NTRK2: variants seen among roughly 807,000 people sequenced by gnomAD.
The protein encoded by NTRK2 is BDNF/NT-3 growth factors receptor.
Under a neutral mutation model 94.5 loss-of-function variants are expected in NTRK2, and 13 were observed. That is an observed-to-expected ratio of 0.14 (90% CI 0.09 to 0.22). The LOEUF (loss-of-function observed/expected upper bound fraction) is 0.22. NTRK2 is among the 10% of genes least tolerant of loss of function. The pLI is 1.00. For synonymous variants in NTRK2, 372 were observed against 407.4 expected, an observed-to-expected ratio of 0.91 and a Z score of 1.05; for missense variants, 639 against 1,071.2, an observed-to-expected ratio of 0.60 and a Z score of 5.63.
At chr9:84,940,013 T>A (rs546506828) in intron 15 of NTRK2, among the ~76,000 whole-genome samples, 1 of 152,266 alleles carries the variant, frequency 6.6e-6, no homozygotes, top group South Asian at 2.1e-4. Context: ...ATCCAAGGGA[T>A]GACTCCTATT....
At chr9:84,768,529 G>A (rs2066239989) in intron 12 of NTRK2, among the ~76,000 whole-genome samples, 1 of 152,092 alleles carries the variant, frequency 6.6e-6, no homozygotes, top group Non-Finnish European at 1.5e-5. Flanking sequence ...AGGTACTGTA[G>A]TTACTTATTA....
intron 14 of NTRK2, chr9:84,876,760 A>G (rs200549980): frequency 7.4e-5 from 79 of 1,061,302 alleles, no homozygotes; most frequent in Admixed American, 1.1e-4. Flanking sequence ...TACAGAAACA[A>G]TTATCAATAC....
At chr9:84,740,966 C>T (rs551738159) in intron 9 of NTRK2, among the ~76,000 whole-genome samples, 97 of 152,308 alleles carry the variant, frequency 6.4e-4, no homozygotes, top group African/African-American at 2.2e-3. Flanking sequence ...TACTGTTTCA[C>T]ATGGCAAGTG....
intron 12 of NTRK2, among the ~76,000 whole-genome samples, chr9:84,832,664 C>T (rs2073627949): frequency 6.6e-6 from 1 of 152,174 alleles, no homozygotes; most frequent in African/African-American, 2.4e-5. Flanking sequence ...AATCTTTAAC[C>T]TAGATAGAAA....
intron 17 of NTRK2, among the ~76,000 whole-genome samples, chr9:84,987,160 T>A (rs1453138542): frequency 1.3e-5 from 2 of 152,234 alleles, no homozygotes; most frequent in Non-Finnish European, 2.9e-5. Context: ...AGTTCAGCCC[T>A]GTAGCCTAAT....
At chr9:84,977,530 G>A (rs1305878962) in intron 17 of NTRK2, among the ~76,000 whole-genome samples, 1 of 152,336 alleles carries the variant, frequency 6.6e-6, no homozygotes, top group East Asian at 1.9e-4. Context: ...TTGCTGCTCT[G>A]TGCATGGTTG....
chr9:85,020,483 G>T (rs1832689379), intron 18 of NTRK2, 119 bp downstream of exon 18: 3 of 1,036,538 alleles, frequency 2.9e-6, no homozygotes, highest in Non-Finnish European at 4.5e-6. Context: ...GGGCTTTGTT[G>T]GTGGCAGCAC....
intron 12 of NTRK2, among the ~76,000 whole-genome samples, chr9:84,809,971 C>A (rs2133539257): frequency 6.6e-6 from 1 of 151,672 alleles, no homozygotes; most frequent in Admixed American, 6.6e-5. Flanking sequence ...AGCCAGTTCT[C>A]TGGGCCAGTT....
chr9:84,834,154 T>C (rs2073736422), intron 12 of NTRK2, among the ~76,000 whole-genome samples: 1 of 152,220 alleles, frequency 6.6e-6, no homozygotes. Context: ...AGCCTATCAA[T>C]AAGGTTGCCA....
At chr9:84,796,666 G>C (rs2069362597) in intron 12 of NTRK2, among the ~76,000 whole-genome samples, 1 of 152,178 alleles carries the variant, frequency 6.6e-6, no homozygotes, top group Admixed American at 6.5e-5. Context: ...AACTCTTGCT[G>C]ATTCAGATCA....
chr9:84,977,514 A>T (rs1827041077), intron 17 of NTRK2, among the ~76,000 whole-genome samples: 1 of 152,222 alleles, frequency 6.6e-6, no homozygotes, highest in South Asian at 2.1e-4. Context: ...GACAACTCAA[A>T]TATTTTTGCT....
chr9:84,875,527 T>C (rs552482070), intron 14 of NTRK2: 1 of 1,063,226 alleles, frequency 9.4e-7, no homozygotes, highest in Non-Finnish European at 1.1e-6. Flanking sequence ...ACTTTTTGCC[T>C]CCAAGTTCTT....
chr9:84,998,254 A>C (rs1157174434), intron 17 of NTRK2, among the ~76,000 whole-genome samples: 1 of 152,112 alleles, frequency 6.6e-6, no homozygotes. Flanking sequence ...CTAGTGTAGT[A>C]GCTCCTGCTT....
At chr9:84,872,052 C>T (rs1335511623) in intron 14 of NTRK2, 7 of 1,400,516 alleles carry the variant, frequency 5.0e-6, no homozygotes, top group Non-Finnish European at 6.5e-6. Flanking sequence ...ACTATAGACC[C>T]ATCTCCTCGA....
intron 12 of NTRK2, among the ~76,000 whole-genome samples, chr9:84,850,017 A>G (rs1241224272): frequency 6.6e-6 from 1 of 152,236 alleles, no homozygotes; most frequent in African/African-American, 2.4e-5. Context: ...AAATAAGATT[A>G]CATAAATAAT....
chr9:84,875,098 T>C, intron 14 of NTRK2: 1 of 1,060,394 alleles, frequency 9.4e-7, no homozygotes, highest in Non-Finnish European at 1.1e-6. Context: ...CGTTTGGATA[T>C]ATGGCTTTCT....
At chr9:84,900,347 C>T (rs1330640134) in intron 14 of NTRK2, among the ~76,000 whole-genome samples, 1 of 152,210 alleles carries the variant, frequency 6.6e-6, no homozygotes, top group Non-Finnish European at 1.5e-5. Context: ...TGCTCATTGA[C>T]TCTGTTTCTA....
chr9:84,983,795 A>T (rs1221199007), intron 17 of NTRK2, among the ~76,000 whole-genome samples: 1 of 152,236 alleles, frequency 6.6e-6, no homozygotes, highest in Non-Finnish European at 1.5e-5. Context: ...TTCATTTTAA[A>T]TGTGAAGGTC....
intron 9 of NTRK2, among the ~76,000 whole-genome samples, chr9:84,731,505 G>A (rs962999813): frequency 2.6e-5 from 4 of 152,100 alleles, no homozygotes; most frequent in Non-Finnish European, 5.9e-5. Context: ...TTTTGCTTAG[G>A]AACTTGTTTT....
Sources: gnomAD v4.1 joint callset for allele counts (sites outside exome capture counted in the v4.1 genomes callset) on GRCh38, gnomAD v4.1.1 for gene constraint, MANE v1.5 for transcripts, NCBI Gene and HGNC (gene_info 2026-07-23, HGNC 2026-07-21) for gene names.